EPHA3: variants seen among roughly 807,000 people sequenced by gnomAD.
EPHA3 encodes EPH receptor A3, also known as ephrin type-A receptor 3.
In EPHA3, 42 loss-of-function variants were observed where a neutral mutation model predicts 107.1. The observed-to-expected ratio is 0.39, with a 90% CI of 0.31 to 0.51. The LOEUF (loss-of-function observed/expected upper bound fraction) is 0.51, where lower values mean the gene tolerates loss of function less well. EPHA3 is among the 20% of genes least tolerant of loss of function. EPHA3 has a pLI of 0.78. For missense variants in EPHA3, 1,183 were observed against 1,211.2 expected (o/e 0.98, Z 0.35); for synonymous variants, 461 against 424.8 (o/e 1.09, Z -1.05).
chr3:89,384,417 C>T (rs969709615), intron 5 of EPHA3, among the ~76,000 whole-genome samples: 2 of 152,100 alleles, frequency 1.3e-5, no homozygotes, highest in East Asian at 3.9e-4. Context: ...AGAAACTTAA[C>T]TGAATTTAGG....
intron 1 of EPHA3, among the ~76,000 whole-genome samples, chr3:89,111,270 T>C (rs890356370): frequency 1.3e-5 from 2 of 152,072 alleles, no homozygotes; most frequent in Non-Finnish European, 2.9e-5. Context: ...TTTTCATTTT[T>C]AAAAATTACA....
chr3:89,425,463 C>T (rs1709436663), intron 11 of EPHA3, among the ~76,000 whole-genome samples: 1 of 147,458 alleles, frequency 6.8e-6, no homozygotes, highest in South Asian at 2.1e-4. Flanking sequence ...CGGCTAAGGT[C>T]AAAGGTTTTG....
chr3:89,312,129 T>C (rs552836085), intron 3 of EPHA3, among the ~76,000 whole-genome samples: 2 of 152,192 alleles, frequency 1.3e-5, no homozygotes, highest in South Asian at 4.1e-4. Flanking sequence ...TATTTCCTGG[T>C]TTCACTTCTT....
chr3:89,472,863 A>G (rs1240703248), intron 16 of EPHA3, among the ~76,000 whole-genome samples: 1 of 152,134 alleles, frequency 6.6e-6, no homozygotes, highest in Non-Finnish European at 1.5e-5. Context: ...GTGTCTTTAG[A>G]TATGACCTTC....
At chr3:89,342,185 T>C in intron 5 of EPHA3, 95 bp downstream of exon 5, 3 of 1,137,672 alleles carry the variant, frequency 2.6e-6, no homozygotes, top group Non-Finnish European at 3.6e-6. Flanking sequence ...GAAAAAAAGA[T>C]TTTATAGAAC....
rs543177424 is a variant in EPHA3, at chr3:89,415,690, T to G, written c.1888+2424T>G. Among the ~76,000 whole-genome samples the G allele has an allele frequency of 3.3e-5, 5 of 151,262 alleles. No homozygotes were observed. In the East Asian group the frequency reaches 7.8e-4, roughly 24 times the overall value. ...TGACTACAATTCCTAATTTTACTCC[T>G]CAATCCAACCATTCTTTCAACGATT... is the stretch of plus-strand genomic sequence containing the variant. On this transcript the variant is annotated intron_variant, in intron 10 of 16. Transcript: ENST00000336596.
At chr3:89,422,023 T>A (rs1277549915) in intron 11 of EPHA3, among the ~76,000 whole-genome samples, 1 of 151,250 alleles carries the variant, frequency 6.6e-6, no homozygotes, top group Non-Finnish European at 1.5e-5. Flanking sequence ...CTGCCAAATC[T>A]GACTATATAA....
chr3:89,461,180 T>C (rs1710232258), intron 15 of EPHA3, among the ~76,000 whole-genome samples: 2 of 102,266 alleles, frequency 2.0e-5, no homozygotes, highest in Admixed American at 1.1e-4. Flanking sequence ...GGCTGCATAG[T>C]ATTCCATGGT....
chr3:89,481,819 C>A lies in EPHA3; in HGVS notation c.*2317C>A. 1 of 231,830 alleles carries A rather than the reference C, an allele frequency of 4.3e-6. No individual in the cohort carries two copies. The highest frequency in any genetic ancestry group is 8.6e-6 in the Non-Finnish European group (1 of 116,928). 14.4% of individuals were successfully genotyped at this position (231,830 alleles called of 1,614,324 possible). A position where few individuals can be genotyped will look rare whatever the true frequency, so the allele number is the denominator to read the frequency against. On this transcript the variant is annotated 3_prime_UTR_variant, in exon 17 of 17. Transcript: ENST00000336596. ...TCTCTTTGTACAGGAACTGCATTGA[C>A]TTTCAGTAAACATAAAGCCACAACT... is the stretch of plus-strand genomic sequence containing the variant.
chr3:89,236,276 A>G (rs1314889084), intron 3 of EPHA3, among the ~76,000 whole-genome samples: 2 of 152,056 alleles, frequency 1.3e-5, no homozygotes, highest in Non-Finnish European at 2.9e-5. Flanking sequence ...GTATATTTTC[A>G]TAAAGCACTA....
At chr3:89,238,074 C>T (rs1261109576) in intron 3 of EPHA3, among the ~76,000 whole-genome samples, 2 of 151,870 alleles carry the variant, frequency 1.3e-5, no homozygotes, top group Non-Finnish European at 2.9e-5. Flanking sequence ...ATGTCGAATT[C>T]CAAGGCAGAA....
intron 3 of EPHA3, among the ~76,000 whole-genome samples, chr3:89,218,740 C>G (rs1386692345): frequency 6.6e-6 from 1 of 152,132 alleles, no homozygotes; most frequent in Non-Finnish European, 1.5e-5. Context: ...TGCTCATCAT[C>G]ATTGGCCATC....
At chr3:89,237,801 AC>A (rs958203805) in intron 3 of EPHA3, among the ~76,000 whole-genome samples, 4 of 152,194 alleles carry the variant, frequency 2.6e-5, no homozygotes, top group Admixed American at 1.3e-4. Flanking sequence ...TCCTTTCTCT[AC>A]AAAAAATAAA....
At chr3:89,360,751 C>G (rs1358732905) in intron 5 of EPHA3, among the ~76,000 whole-genome samples, 1 of 151,096 alleles carries the variant, frequency 6.6e-6, no homozygotes, top group African/African-American at 2.4e-5. Flanking sequence ...TATAACTATA[C>G]TCATGTTTAT....
At chr3:89,116,927 A>G (rs1707271846) in intron 1 of EPHA3, among the ~76,000 whole-genome samples, 1 of 151,542 alleles carries the variant, frequency 6.6e-6, no homozygotes, top group South Asian at 2.1e-4. Flanking sequence ...CTATTATTTG[A>G]TTTTTTTATA....
chr3:89,420,819 A>T (rs1034332437), intron 11 of EPHA3, among the ~76,000 whole-genome samples: 1 of 151,392 alleles, frequency 6.6e-6, no homozygotes, highest in Non-Finnish European at 1.5e-5. Flanking sequence ...ACTCCCTTGT[A>T]CTTATGAAGC....
intron 2 of EPHA3, among the ~76,000 whole-genome samples, chr3:89,168,716 T>G (rs1705136466): frequency 1.3e-5 from 2 of 152,076 alleles, no homozygotes; most frequent in African/African-American, 4.8e-5. Context: ...ATTAGTAATT[T>G]TTTCTAAATA....
chr3:89,214,630 G>T (rs1168182766), intron 3 of EPHA3, among the ~76,000 whole-genome samples: 1 of 151,834 alleles, frequency 6.6e-6, no homozygotes, highest in Non-Finnish European at 1.5e-5. Context: ...TAAACCTCTA[G>T]TCTATTAAAC....
intron 3 of EPHA3, among the ~76,000 whole-genome samples, chr3:89,216,130 G>A (rs1704218449): frequency 6.6e-6 from 1 of 151,900 alleles, no homozygotes; most frequent in Non-Finnish European, 1.5e-5. Flanking sequence ...TAAATAATGT[G>A]TCCATTAAGC....
Sources: gnomAD v4.1 joint callset for allele counts (sites outside exome capture counted in the v4.1 genomes callset) on GRCh38, gnomAD v4.1.1 for gene constraint, MANE v1.5 for transcripts, NCBI Gene and HGNC (gene_info 2026-07-23, HGNC 2026-07-21) for gene names.